RAD17: variants seen among roughly 807,000 people sequenced by gnomAD.
RAD17 encodes RAD17 checkpoint clamp loader component.
Under a neutral mutation model 81.5 loss-of-function variants are expected in RAD17, and 31 were observed. The observed-to-expected ratio is 0.38, with a 90% CI of 0.29 to 0.51. RAD17 has a LOEUF of 0.51. Among genes scored for constraint, RAD17 ranks in the 20% least tolerant of loss-of-function variants. The probability of loss-of-function intolerance (pLI) is 0.88; values close to 1 mark genes in which losing one functional copy is unlikely to be tolerated. For synonymous variants in RAD17, 261 were observed against 266.2 expected (o/e 0.98, Z 0.19); for missense variants, 681 against 781.2 (o/e 0.87, Z 1.53).
chr5:69,377,695 A>ACATATATATG lies in RAD17; in HGVS notation c.351+2993_351+2994insGCATATATAT, dbSNP rs1240763856. ...TATATATGCATATATATATATGTATACATATATATATGTATTGGGAAAAGT... is the reference window on the plus strand; with the variant it reads ...TATATATGCATATATATATATGTATACATATATATGCATATATATATGTATTGGGAAAAGT... On this transcript the variant is annotated intron_variant, in intron 6 of 18. Transcript: ENST00000354868. Among the ~76,000 whole-genome samples the ACATATATATG allele has an allele frequency of 2.2e-4, 22 of 102,182 alleles. 4 individuals carry two copies. Among genetic ancestry groups the ACATATATATG allele is most frequent in the Non-Finnish European group, 3.7e-4 (19 of 51,046 alleles). The allele number at this position is 102,182 out of a possible 152,430, so 67.0% of individuals were successfully genotyped here.
Position 69,394,059 on chromosome 5 carries a change from T to A in RAD17, c.1422+559T>A, listed in dbSNP as rs1219505972. On this transcript the variant is annotated intron_variant, in intron 15 of 18. Coordinates refer to ENST00000354868, the MANE Select transcript of RAD17 (RefSeq NM_133338.3). ...CACACACCACCATGCCCAGCTTATT[T>A]TTTTTTTTTTTTCGAGACAGCGTCT... Among the ~76,000 whole-genome samples the A allele has an allele frequency of 4.8e-5, 7 of 146,730 alleles. No individual in the cohort carries two copies. The East Asian group carries it at 1.0e-3, about 21-fold the overall frequency.
chr5:69,370,940 C>T (rs1207589499), intron 1 of RAD17, 95 bp from the exon 2 acceptor site: 1 of 235,284 alleles, frequency 4.3e-6, no homozygotes, highest in Non-Finnish European at 8.7e-6. Flanking sequence ...TTTGAAAACA[C>T]GGTTGAAAAA....
chr5:69,369,468 A>C, upstream of RAD17: 1 of 1,610,716 alleles, frequency 6.2e-7, no homozygotes, highest in Non-Finnish European at 8.5e-7. Flanking sequence ...CTGACCGGTG[A>C]GCAGGATGTT....
chr5:69,372,932 C>T (rs1271815823), intron 4 of RAD17, among the ~76,000 whole-genome samples: 1 of 152,090 alleles, frequency 6.6e-6, no homozygotes, highest in African/African-American at 2.4e-5. Flanking sequence ...TTCTGAGTGA[C>T]AGTTCCCCCT....
Position 69,399,994 on chromosome 5 carries a change from T to C in RAD17, c.1573-55T>C, listed in dbSNP as rs1194342575. ...ATAATAAACTTAGTTTGTCTAGGAATACATATTTTTAATTTCATTTTTCCT... is the reference window on the plus strand; with the variant it reads ...ATAATAAACTTAGTTTGTCTAGGAACACATATTTTTAATTTCATTTTTCCT... On this transcript the variant is annotated intron_variant, in intron 16 of 18. Coordinates refer to ENST00000354868, the MANE Select transcript of RAD17 (RefSeq NM_133338.3). 5 of 1,193,886 alleles carry C rather than the reference T, an allele frequency of 4.2e-6. No homozygotes were observed. The East Asian group carries it at 1.4e-4, about 33-fold the overall frequency. The allele number at this position is 1,193,886 out of a possible 1,614,324, so 74.0% of individuals were successfully genotyped here.
Position 69,400,067 on chromosome 5 carries a change from G to T in RAD17, c.1591G>T (p.Ala531Ser). The change falls in exon 17 of 19, where the codon GCA becomes TCA. Residue 531 changes from alanine (A) to serine (S), a missense_variant. Physicochemically the swap from Ala to Ser is moderately conservative, Grantham distance 99. Coordinates refer to ENST00000354868, the MANE Select transcript of RAD17 (RefSeq NM_133338.3). Reference sequence around the variant, plus strand: ...TATACAGTATCGGGAAAATTGCCTGGCAGCAAAAGCACTTTTTCCTGACTT... The same window carrying T: ...TATACAGTATCGGGAAAATTGCCTGTCAGCAAAAGCACTTTTTCCTGACTT... ...INKKYRENCL[A>S]AKALFPDFCL... is the part of the protein sequence containing the mutation. 6.3e-7 allele frequency: 1 copy of T among 1,593,988 alleles called. No individual in the cohort carries two copies. The highest frequency in any genetic ancestry group is 8.5e-7 in the Non-Finnish European group (1 of 1,171,042).
At chr5:69,395,484 G>T (rs1262889718) in intron 15 of RAD17, among the ~76,000 whole-genome samples, 1 of 152,154 alleles carries the variant, frequency 6.6e-6, no homozygotes, top group Non-Finnish European at 1.5e-5. Context: ...CACATTCCAG[G>T]CTGGGCAACA....
chr5:69,385,058 C>A, intron 8 of RAD17, 125 bp downstream of exon 8: 1 of 805,566 alleles, frequency 1.2e-6, no homozygotes, highest in Non-Finnish European at 1.8e-6. Flanking sequence ...CTCCCAGGTT[C>A]ACGCCATTCT....
intron 11 of RAD17, among the ~76,000 whole-genome samples, chr5:69,388,328 A>C (rs1162408447): frequency 6.6e-6 from 1 of 152,206 alleles, no homozygotes; most frequent in Non-Finnish European, 1.5e-5. Flanking sequence ...ATTTTCATGT[A>C]AATTTCATAA....
chr5:69,411,097 G>C (rs2150893758), intron 18 of RAD17, among the ~76,000 whole-genome samples: 1 of 150,844 alleles, frequency 6.6e-6, no homozygotes, highest in South Asian at 2.1e-4. Flanking sequence ...ATCGAATTAA[G>C]CACTTAGGAA....
chr5:69,387,309 G>A (rs1385160322), intron 11 of RAD17, among the ~76,000 whole-genome samples: 4 of 152,064 alleles, frequency 2.6e-5, no homozygotes, highest in African/African-American at 4.8e-5. Context: ...TGCTCCCAGC[G>A]TCATGGTTTT....
intron 17 of RAD17, among the ~76,000 whole-genome samples, chr5:69,408,609 C>T (rs905452558): frequency 6.7e-6 from 1 of 149,942 alleles, no homozygotes; most frequent in Non-Finnish European, 1.5e-5. Flanking sequence ...CTCCTGGGCT[C>T]AAGCAATTCT....
intron 1 of RAD17, among the ~76,000 whole-genome samples, chr5:69,370,477 T>G (rs989162586): frequency 1.3e-5 from 2 of 152,044 alleles, no homozygotes; most frequent in Admixed American, 6.6e-5. Flanking sequence ...GTAGCTGGGA[T>G]TACAGGCGCC....
intron 11 of RAD17, 28 bp downstream of exon 11, chr5:69,386,493 T>A (rs1187690202): frequency 1.3e-6 from 2 of 1,536,818 alleles, no homozygotes; most frequent in East Asian, 4.6e-5. Context: ...TAAACCTTAC[T>A]CGATAACTAT....
chr5:69,369,324 G>C, upstream of RAD17: 13 of 782,172 alleles, frequency 1.7e-5, no homozygotes, highest in Non-Finnish European at 2.3e-5. Flanking sequence ...CGGCTCCCGG[G>C]GCGCTGACAA....
At position 69,408,710 on chromosome 5, in the gene RAD17, C is replaced by T. The variant is rs180841205; in HGVS notation, c.1694-1783C>T. ...ATTTTTAGTAGAGATGGCGTTTCACCATGTTAGCCAGGTTGGTCTTGAACT... is the reference window on the plus strand; with the variant it reads ...ATTTTTAGTAGAGATGGCGTTTCACTATGTTAGCCAGGTTGGTCTTGAACT... On this transcript the variant is annotated intron_variant, in intron 17 of 18. Coordinates refer to ENST00000354868, the MANE Select transcript of RAD17 (RefSeq NM_133338.3). 3.8e-3 allele frequency among the ~76,000 whole-genome samples: 579 copies of T among 152,100 alleles called. 12 individuals are homozygous for T. Among genetic ancestry groups the T allele is most frequent in the Admixed American group, 0.036 (548 of 15,252 alleles).
chr5:69,411,107 A>G lies in RAD17; in HGVS notation c.1751+557A>G, dbSNP rs1765966702. 2.6e-5 allele frequency among the ~76,000 whole-genome samples: 4 copies of G among 151,562 alleles called. No homozygotes were observed. In the South Asian group the frequency reaches 8.3e-4, roughly 32 times the overall value. On this transcript the variant is annotated intron_variant, in intron 18 of 18. Transcript: ENST00000354868. ...GTAAGATCGAATTAAGCACTTAGGA[A>G]TTGTTTAAAGATTTTAAAAATGGCC...
At chr5:69,392,913 G>A (rs566907525) in intron 13 of RAD17, 2 of 495,952 alleles carry the variant, frequency 4.0e-6, no homozygotes, top group Admixed American at 6.6e-5. Flanking sequence ...AGTGCATTAG[G>A]AAATGGAATA....
intron 17 of RAD17, among the ~76,000 whole-genome samples, chr5:69,407,931 C>G (rs969526016): frequency 1.3e-5 from 2 of 152,058 alleles, no homozygotes; most frequent in Non-Finnish European, 2.9e-5. Flanking sequence ...AGTTATTGTA[C>G]CTTTTGACTG....
Sources: gnomAD v4.1 joint callset for allele counts (sites outside exome capture counted in the v4.1 genomes callset) on GRCh38, gnomAD v4.1.1 for gene constraint, MANE v1.5 for transcripts, NCBI Gene and HGNC (gene_info 2026-07-23, HGNC 2026-07-21) for gene names.